The following CHFR variants were observed in gnomAD, a reference collection of about 807,000 sequenced individuals.
CHFR encodes E3 ubiquitin-protein ligase CHFR.
A neutral mutation model predicts 87.6 loss-of-function variants in CHFR; 57 were observed. The ratio of observed to expected loss-of-function variants is 0.65; its 90% confidence interval spans 0.53 to 0.81. The LOEUF (loss-of-function observed/expected upper bound fraction) is 0.81, where lower values mean the gene tolerates loss of function less well. CHFR is among the 30% of genes least tolerant of loss of function. The pLI, the probability that CHFR is intolerant of heterozygous loss-of-function variation, is 0.00. For synonymous variants in CHFR, 381 were observed against 359.2 expected (o/e 1.06, Z -0.69); for missense variants, 797 against 865.8 (o/e 0.92, Z 1.00).
At chr12:132,872,044 T>G (rs1951502153) in intron 4 of CHFR, 7 of 457,022 alleles carry the variant, frequency 1.5e-5, no homozygotes, top group Non-Finnish European at 2.7e-5. Flanking sequence ...GGCTGCCATT[T>G]TGGGATTGGC....
chr12:132,856,900 G>A (rs1951084670), intron 9 of CHFR, among the ~76,000 whole-genome samples: 2 of 147,130 alleles, frequency 1.4e-5, no homozygotes, highest in African/African-American at 2.5e-5. Context: ...GGGTGCTGGT[G>A]GAGGGACCGC....
rs1951711427 is a variant in CHFR at position 132,879,282 on chromosome 12, A to G, written c.134-1628T>C. Among the ~76,000 whole-genome samples, 7 of 152,160 alleles carry G rather than the reference A, an allele frequency of 4.6e-5. No homozygotes were observed. The South Asian group carries it at 1.5e-3, about 32-fold the overall frequency. On this transcript the variant is annotated intron_variant, in intron 2 of 17. Transcript: ENST00000450056. Reference sequence around the variant, plus strand: ...AGTGTTGGGATTACAGGCTTGAGCCACCGCACCTGGCCTGCGATAGGCATT... The same window carrying G: ...AGTGTTGGGATTACAGGCTTGAGCCGCCGCACCTGGCCTGCGATAGGCATT...
intron 7 of CHFR, 52 bp downstream of exon 7, chr12:132,861,415 A>G (rs1038049008): frequency 1.3e-5 from 20 of 1,572,148 alleles, no homozygotes; most frequent in Non-Finnish European, 1.7e-5. Context: ...CGGCCCCCGC[A>G]TGCCCCAGGA....
chr12:132,872,787 T>C (rs1334024898), intron 3 of CHFR, among the ~76,000 whole-genome samples: 1 of 152,180 alleles, frequency 6.6e-6, no homozygotes, highest in African/African-American at 2.4e-5. Context: ...ACAACCCCGG[T>C]GAACTCATGC....
In CHFR at chr12:132,851,681, A is replaced by G; in HGVS notation, c.1429T>C (p.Phe477Leu). The change falls in exon 12 of 18, where the codon TTC becomes CTC. Residue 477 changes from phenylalanine to leucine, a missense_variant. Phe to Leu is a conservative substitution (Grantham distance 22). This residue lies in a region of CHFR where 200 missense variants were observed against 264.6 expected (regional missense o/e 0.76). Transcript: ENST00000450056. Reference protein sequence around the residue: ...QGSHALCTCCFQPMPDRRAER... With the variant: ...QGSHALCTCCLQPMPDRRAER... ...GCTCTCCGGTCGGGCATGGGCTGGA[A>G]GCAGCAGGTGCACAGGGCGTGGCTT... 2 of 1,613,470 alleles carry G rather than the reference A, an allele frequency of 1.2e-6. No homozygotes were observed. The highest frequency in any genetic ancestry group is 1.7e-6 in the Non-Finnish European group (2 of 1,179,964).
chr12:132,876,888 G>C (rs1264136305), intron 3 of CHFR, among the ~76,000 whole-genome samples: 2 of 152,132 alleles, frequency 1.3e-5, no homozygotes, highest in African/African-American at 4.8e-5. Context: ...TCCGACTCCC[G>C]GGTTCAAGTG....
chr12:132,864,830 G>A (rs9943702), intron 6 of CHFR, among the ~76,000 whole-genome samples: 31,395 of 152,100 alleles, frequency 0.21, 3,472 homozygotes, highest in African/African-American at 0.27. Context: ...ATATAAATAC[G>A]CTGCCCTTTT....
chr12:132,870,924 G>C, intron 4 of CHFR, 141 bp from the exon 5 acceptor site: 1 of 522,076 alleles, frequency 1.9e-6, no homozygotes, highest in African/African-American at 1.9e-5. Flanking sequence ...CAGTTTAAGA[G>C]ATTTCAAAAC....
intron 9 of CHFR, among the ~76,000 whole-genome samples, chr12:132,856,976 C>A (rs115442831): frequency 0.02 from 2,931 of 144,544 alleles, 137 homozygotes; most frequent in African/African-American, 0.074. Flanking sequence ...GGAGGGACCA[C>A]CCTCACGTGC....
intron 14 of CHFR, 150 bp downstream of exon 14, chr12:132,847,935 G>C (rs1950862110): frequency 6.7e-7 from 1 of 1,495,268 alleles, no homozygotes; most frequent in African/African-American, 1.4e-5. Context: ...GAACCAGCTG[G>C]CTGCACCAGT....
intron 17 of CHFR, among the ~76,000 whole-genome samples, chr12:132,842,571 T>G (rs1950724421): frequency 6.6e-6 from 1 of 152,214 alleles, no homozygotes; most frequent in Non-Finnish European, 1.5e-5. Flanking sequence ...CCCAGGGCAA[T>G]GCAGATGGCG....
At chr12:132,874,668 TGCCC>T (rs1951581403) in intron 3 of CHFR, among the ~76,000 whole-genome samples, 2 of 33,384 alleles carry the variant, frequency 6.0e-5, no homozygotes, top group Non-Finnish European at 1.3e-4. Context: ...CAGGCGGGAC[TGCCC>T]GGGACCAGCA....
At chr12:132,876,016 A>C (rs992020090) in intron 3 of CHFR, among the ~76,000 whole-genome samples, 2 of 152,032 alleles carry the variant, frequency 1.3e-5, no homozygotes, top group African/African-American at 4.8e-5. Context: ...CTCTACTAAA[A>C]ACACAAAAAA....
At chr12:132,857,366 C>A (rs367672905) in intron 9 of CHFR, 39 bp downstream of exon 9, 346 of 1,607,598 alleles carry the variant, frequency 2.2e-4, no homozygotes, top group Non-Finnish European at 2.9e-4. Context: ...AGGGACCGCC[C>A]TCACGTGCCC....
intron 15 of CHFR, among the ~76,000 whole-genome samples, chr12:132,845,412 T>G (rs1950795945): frequency 6.6e-6 from 1 of 151,750 alleles, no homozygotes; most frequent in South Asian, 2.1e-4. Context: ...GAGCTGAGAT[T>G]GTGCCATTGC....
chr12:132,867,157 GCTGCCC>G (rs1453583505), intron 6 of CHFR: 1 of 152,294 alleles, frequency 6.6e-6, no homozygotes, highest in Non-Finnish European at 1.5e-5. Context: ...GAGAGGTGTG[GCTGCCC>G]GTGTGAAGAC....
intron 4 of CHFR, 83 bp from the exon 5 acceptor site, chr12:132,870,866 A>G (rs925298107): frequency 1.2e-6 from 1 of 804,912 alleles, no homozygotes; most frequent in Non-Finnish European, 2.1e-6. Flanking sequence ...TCTCCAGTCC[A>G]TTTGTTTTTG....
chr12:132,858,010 TAC>T (rs1290455807), intron 8 of CHFR, among the ~76,000 whole-genome samples: 2 of 152,244 alleles, frequency 1.3e-5, no homozygotes, highest in African/African-American at 2.4e-5. Flanking sequence ...TTGTGGGGTC[TAC>T]AGCCTCCGGC....
At chr12:132,880,090 G>A (rs1202243261) in intron 2 of CHFR, among the ~76,000 whole-genome samples, 4 of 152,162 alleles carry the variant, frequency 2.6e-5, no homozygotes, top group South Asian at 2.1e-4. Context: ...CAGAAAAAAC[G>A]TGTAGAAAAA....
Sources: gnomAD v4.1 joint callset for allele counts (sites outside exome capture counted in the v4.1 genomes callset) on GRCh38, gnomAD v4.1.1 for gene constraint, gnomAD v4.1.1 regional missense constraint, MANE v1.5 for transcripts, NCBI Gene and HGNC (gene_info 2026-07-23, HGNC 2026-07-21) for gene names.